Variants in BOC observed in about 807,000 individuals in gnomAD.
The protein encoded by BOC is BOC cell adhesion associated, oncogene regulated, also known as brother of CDO.
In BOC, 76 loss-of-function variants were observed where a neutral mutation model predicts 112.0. The observed-to-expected ratio is 0.68, with a 90% CI of 0.56 to 0.82. The LOEUF is 0.82. Ranked by LOEUF, BOC falls within the 40% of genes least tolerant of loss-of-function variation. The pLI is 0.00. For missense variants in BOC, 1,309 were observed against 1,511.7 expected (o/e 0.87, Z 2.22); for synonymous variants, 580 against 599.8 (o/e 0.97, Z 0.48).
In BOC at chr3:113,278,716, G is replaced by A. The variant is rs1030406815; in HGVS notation, c.1749G>A (p.Gln583=). The A allele has an allele frequency of 1.3e-6, 2 of 1,570,328 alleles. No homozygotes were observed. Among genetic ancestry groups the A allele is most frequent in the Non-Finnish European group, 1.7e-6 (2 of 1,157,484 alleles). The change falls in exon 11 of 20, where the codon CAG becomes CAA. Residue 583 remains glutamine (Q), a synonymous_variant. Coordinates refer to ENST00000682979, the MANE Select transcript of BOC (RefSeq NM_001378074.1). The surrounding 1 kb of genome is among the most constrained non-coding windows in gnomAD (Gnocchi z 4.2). ...KPEIMASKEQ[Q]IQRDDPGASP... is the part of the protein sequence containing the mutation. ...AGATCATGGCCAGCAAAGAGCAGCA[G>A]ATCCAGAGAGACGACCCTGGAGCCA...
At chr3:113,277,856 G>T (rs745945144) in intron 9 of BOC, among the ~76,000 whole-genome samples, 8 of 152,198 alleles carry the variant, frequency 5.3e-5, no homozygotes, top group Non-Finnish European at 2.9e-5. Flanking sequence ...CCCCACTGAG[G>T]TTTCTTTGAT....
intron 2 of BOC, among the ~76,000 whole-genome samples, chr3:113,222,861 A>G (rs985498482): frequency 6.6e-6 from 1 of 152,214 alleles, no homozygotes; most frequent in African/African-American, 2.4e-5. Flanking sequence ...TGGAACCACA[A>G]GCCAAGTACA....
chr3:113,251,949 A>T (rs1945691599), intron 4 of BOC: 1 of 152,222 alleles, frequency 6.6e-6, no homozygotes, highest in Non-Finnish European at 1.5e-5. Context: ...ATTCTACCTT[A>T]TGAGGACCCA....
At position 113,258,214 on chromosome 3, in the gene BOC, A is replaced by G. The variant is rs142923267; in HGVS notation, c.376+7381A>G. On this transcript the variant is annotated intron_variant, in intron 4 of 19. Transcript: ENST00000682979. ...TCTCAGACCTTTAAAAACCAAATTCAGCTCTTAACATTGTGTATTCAGACC... is the reference window on the plus strand; with the variant it reads ...TCTCAGACCTTTAAAAACCAAATTCGGCTCTTAACATTGTGTATTCAGACC... Among the ~76,000 whole-genome samples, 67 of 152,214 alleles carry G rather than the reference A, an allele frequency of 4.4e-4. 1 individual carries two copies. In the East Asian group the frequency reaches 0.011, roughly 26 times the overall value.
intron 7 of BOC, 75 bp downstream of exon 7, chr3:113,272,778 A>G (rs1207482031): frequency 1.3e-6 from 2 of 1,511,704 alleles, no homozygotes; most frequent in Non-Finnish European, 1.8e-6. Context: ...AATGTAACCC[A>G]GGCTCACAAA....
At position 113,279,356 on chromosome 3, in the gene BOC, G is replaced by A. The variant is rs1430745939; in HGVS notation, c.1924G>A (p.Val642Met). The A allele has an allele frequency of 1.2e-6, 2 of 1,614,094 alleles. No homozygotes were observed. Among genetic ancestry groups the A allele is most frequent in the South Asian group, 1.1e-5 (1 of 91,080 alleles). Residue 642 changes from valine (V) to methionine (M), a missense_variant, in exon 12 of 20, where the codon GTG (valine) becomes ATG (methionine). Val to Met is a conservative substitution (Grantham distance 21). Coordinates refer to ENST00000682979, the MANE Select transcript of BOC (RefSeq NM_001378074.1). Reference sequence around the variant, plus strand: ...TGGGTTCCCAATCCAGTCCTTCCGTGTGGAGTACAAGAAGCTAAAGAAAGT... The same window carrying A: ...TGGGTTCCCAATCCAGTCCTTCCGTATGGAGTACAAGAAGCTAAAGAAAGT... ...NGGFPIQSFR[V>M]EYKKLKKVGD...
At chr3:113,231,198 G>C (rs1020999346) in intron 2 of BOC, among the ~76,000 whole-genome samples, 1 of 152,148 alleles carries the variant, frequency 6.6e-6, no homozygotes, top group African/African-American at 2.4e-5. Flanking sequence ...TTTGGAGATA[G>C]CTTTTTTTCA....
At chr3:113,256,431 G>A (rs1187553042) in intron 4 of BOC, among the ~76,000 whole-genome samples, 1 of 152,214 alleles carries the variant, frequency 6.6e-6, no homozygotes, top group African/African-American at 2.4e-5. Context: ...CCGCAGAGCT[G>A]CTCACTGATG....
In BOC at chr3:113,284,352, G is replaced by C. The variant is rs767086270; in HGVS notation, c.2674G>C (p.Gly892Arg). The C allele has an allele frequency of 1.2e-6, 2 of 1,613,964 alleles. No individual in the cohort carries two copies. Among genetic ancestry groups the C allele is most frequent in the Admixed American group, 3.3e-5 (2 of 60,002 alleles). Residue 892 changes from glycine (G) to arginine (R), a missense_variant, in exon 17 of 20, where the codon GGT (glycine) becomes CGT (arginine). Physicochemically the swap from Gly to Arg is moderately radical, Grantham distance 125. Transcript: ENST00000682979. ...WSKQKHTTDL[G>R]FPRSALPPSC... ...CCTTCCAGAACATACAACAGACCTG[G>C]GTTTTCCTCGAAGTGCCCTTCCACC...
In BOC at chr3:113,242,814, C is replaced by A. The variant is rs141700660; in HGVS notation, c.-81-6908C>A. Among the ~76,000 whole-genome samples the A allele has an allele frequency of 1.9e-3, 296 of 152,158 alleles. 2 individuals are homozygous for A. Among genetic ancestry groups the A allele is most frequent in the African/African-American group, 6.8e-3 (284 of 41,512 alleles). On this transcript the variant is annotated intron_variant, in intron 2 of 19. Transcript: ENST00000682979. ...GTGTCCTACCTTGTCTCTTTTCGTT[C>A]TTTTACGTAAGTCTCCAAAGTGGGG...
intron 6 of BOC, chr3:113,271,489 C>G: frequency 9.8e-6 from 3 of 304,996 alleles, no homozygotes; most frequent in South Asian, 8.9e-5. Flanking sequence ...CCTGCCAATT[C>G]AAAGGAGTGA....
chr3:113,234,648 C>CT (rs1943177033), intron 2 of BOC, among the ~76,000 whole-genome samples: 1 of 152,186 alleles, frequency 6.6e-6, no homozygotes, highest in Non-Finnish European at 1.5e-5. Context: ...TGTGTGGCAC[C>CT]TAGAGGGTGC....
At chr3:113,228,138 G>C (rs6798592) in intron 2 of BOC, among the ~76,000 whole-genome samples, 61,220 of 152,078 alleles carry the variant, frequency 0.4, 15,532 homozygotes, top group African/African-American at 0.73. Flanking sequence ...CCAGAGCCGA[G>C]TATTTAATGG....
chr3:113,279,239 T>C lies in BOC; in HGVS notation c.1817-10T>C, dbSNP rs1948958235. ...CTGCTTCCTTCCTCACTGGATACGG[T>C]CTTTCCCAGCCCCAGAAGCTCCCGA... On this transcript the variant is annotated splice_polypyrimidine_tract_variant and intron_variant, in intron 11 of 19. Transcript: ENST00000682979. 2 of 1,611,804 alleles carry C rather than the reference T, an allele frequency of 1.2e-6. No individual in the cohort carries two copies. Among genetic ancestry groups the C allele is most frequent in the African/African-American group, 1.3e-5 (1 of 74,852 alleles).
intron 4 of BOC, among the ~76,000 whole-genome samples, chr3:113,253,429 C>G (rs897972072): frequency 3.3e-5 from 5 of 150,982 alleles, no homozygotes; most frequent in African/African-American, 1.2e-4. Flanking sequence ...AAAAAATAGC[C>G]AGGCGTGGTG....
chr3:113,212,936 C>G (rs1480748996), intron 1 of BOC, among the ~76,000 whole-genome samples: 2 of 152,116 alleles, frequency 1.3e-5, no homozygotes, highest in Admixed American at 6.5e-5. Flanking sequence ...TATTAATTTG[C>G]TTTTCCAGGT....
chr3:113,267,446 C>T (rs1195439715), intron 4 of BOC, among the ~76,000 whole-genome samples: 3 of 152,204 alleles, frequency 2.0e-5, no homozygotes, highest in Non-Finnish European at 4.4e-5. Context: ...ATGGGGCTGC[C>T]AGAGACCACA....
chr3:113,268,256 T>G (rs757893476), intron 4 of BOC, 43 bp from the exon 5 acceptor site: 2 of 1,610,736 alleles, frequency 1.2e-6, no homozygotes, highest in Non-Finnish European at 1.7e-6. Context: ...GTCACACTTT[T>G]GCTCTGCTGT....
rs1458137582 is a variant in BOC at position 113,273,210 on chromosome 3, G to A, written c.1103G>A (p.Arg368His). 4.9e-5 allele frequency: 79 copies of A among 1,613,610 alleles called. No homozygotes were observed. The highest frequency in any genetic ancestry group is 6.4e-5 in the Non-Finnish European group (76 of 1,180,008). ...GCTGTGCCCCTCATCTCCAGCCAGCGCCTCCGGCTCTCCCGCAGGGCCCTG... is the reference window on the plus strand; with the variant it reads ...GCTGTGCCCCTCATCTCCAGCCAGCACCTCCGGCTCTCCCGCAGGGCCCTG... ...RNAVPLISSQ[R>H]LRLSRRALRV... Residue 368 changes from arginine to histidine, a missense_variant, in exon 8 of 20, where the codon CGC (arginine) becomes CAC (histidine). Coordinates refer to ENST00000682979, the MANE Select transcript of BOC (RefSeq NM_001378074.1).
Sources: gnomAD v4.1 joint callset for allele counts (sites outside exome capture counted in the v4.1 genomes callset) on GRCh38, gnomAD v4.1.1 for gene constraint, Gnocchi (gnomAD v3.1) non-coding constraint, MANE v1.5 for transcripts, NCBI Gene and HGNC (gene_info 2026-07-23, HGNC 2026-07-21) for gene names.